The following SLC7A11 variants were observed in gnomAD, a reference collection of about 807,000 sequenced individuals.
The protein encoded by SLC7A11 is solute carrier family 7 member 11.
In SLC7A11, 35 loss-of-function variants were observed where a neutral mutation model predicts 54.5. That is an observed-to-expected ratio of 0.64 (90% CI 0.49 to 0.85). The LOEUF is 0.85. Ranked by LOEUF, SLC7A11 falls within the 40% of genes least tolerant of loss-of-function variation. The probability of loss-of-function intolerance (pLI) is 0.00; values close to 1 mark genes in which losing one functional copy is unlikely to be tolerated. For synonymous variants in SLC7A11, 230 were observed against 225.2 expected, an observed-to-expected ratio of 1.02 and a Z score of -0.19; for missense variants, 583 against 618.1, an observed-to-expected ratio of 0.94 and a Z score of 0.60.
chr4:138,229,968 A>T (rs575449871), intron 3 of SLC7A11, among the ~76,000 whole-genome samples: 1 of 152,260 alleles, frequency 6.6e-6, no homozygotes, highest in Non-Finnish European at 1.5e-5. Flanking sequence ...TGCCTCAGTC[A>T]TTCAAGGGAC....
In SLC7A11 at chr4:138,216,445, T is replaced by C. The variant is rs758137241; in HGVS notation, c.747-1816A>G. Among the ~76,000 whole-genome samples the C allele has an allele frequency of 1.2e-4, 19 of 152,258 alleles. No homozygotes were observed. The Middle Eastern group carries it at 0.02, about 164-fold the overall frequency. ...CTTTGGATCAGGATATGGGACTGAG[T>C]TCCCCAGGGCCACAAGGGGGACTGG... On this transcript the variant is annotated intron_variant, in intron 5 of 11. Coordinates refer to ENST00000280612, the MANE Select transcript of SLC7A11 (RefSeq NM_014331.4).
intron 6 of SLC7A11, among the ~76,000 whole-genome samples, chr4:138,200,962 G>A (rs1350262705): frequency 6.6e-6 from 1 of 152,108 alleles, no homozygotes; most frequent in African/African-American, 2.4e-5. Context: ...TTAGAGAACG[G>A]CCATGACCAT....
In SLC7A11 at chr4:138,167,728, GA is replaced by G. The variant is rs911105956; in HGVS notation, c.*4227del. 1.3e-5 allele frequency: 2 copies of G among 152,076 alleles called. No homozygotes were observed. The highest frequency in any genetic ancestry group is 4.8e-5 in the African/African-American group (2 of 41,422). 9.4% of individuals were successfully genotyped at this position (152,076 alleles called of 1,614,324 possible). A position where few individuals can be genotyped will look rare whatever the true frequency, so the allele number is the denominator to read the frequency against. ...TTTTAATTCCTGACTGAATGGTTAG[GA>G]AAGCAAAATGTAACTCTGTAAACTT... On this transcript the variant is annotated 3_prime_UTR_variant, in exon 12 of 12. Coordinates refer to ENST00000280612, the MANE Select transcript of SLC7A11 (RefSeq NM_014331.4).
chr4:138,214,193 A>G (rs1190516801), intron 6 of SLC7A11, among the ~76,000 whole-genome samples: 1 of 152,042 alleles, frequency 6.6e-6, no homozygotes. Flanking sequence ...GTTATGAAAA[A>G]AGATTACATG....
chr4:138,170,755 C>T lies in SLC7A11; in HGVS notation c.*1201G>A, dbSNP rs557167983. 44 of 152,130 alleles carry T rather than the reference C, an allele frequency of 2.9e-4. No homozygotes were observed. Among genetic ancestry groups the T allele is most frequent in the African/African-American group, 1.0e-3 (43 of 41,508 alleles). The allele number at this position is 152,130 out of a possible 1,614,324, so 9.4% of individuals were successfully genotyped here. A position where few individuals can be genotyped will look rare whatever the true frequency, so the allele number is the denominator to read the frequency against. ...TAAGGTGTGGAAATTACTGACAAAG[C>T]CTAGATATAGAAGTGGAAATTTTCT... On this transcript the variant is annotated 3_prime_UTR_variant, in exon 12 of 12. Coordinates refer to ENST00000280612, the MANE Select transcript of SLC7A11 (RefSeq NM_014331.4).
intron 6 of SLC7A11, among the ~76,000 whole-genome samples, chr4:138,199,384 AGT>A (rs1737219715): frequency 6.6e-6 from 1 of 152,124 alleles, no homozygotes; most frequent in South Asian, 2.1e-4. Context: ...ACAATCATAA[AGT>A]TTTACTTTGA....
chr4:138,219,940 TC>T (rs1737769606), intron 4 of SLC7A11, among the ~76,000 whole-genome samples: 1 of 25,706 alleles, frequency 3.9e-5, no homozygotes, highest in Non-Finnish European at 2.6e-4. Flanking sequence ...TGCAAGCCTT[TC>T]TTTTTTTATT....
intron 11 of SLC7A11, 29 bp from the exon 12 acceptor site, chr4:138,172,046 T>C (rs770672981): frequency 6.4e-7 from 1 of 1,567,994 alleles, no homozygotes; most frequent in South Asian, 1.2e-5. Flanking sequence ...GAATTAAAAA[T>C]GCATGGAAAT....
At chr4:138,187,268 T>C (rs568885523) in intron 6 of SLC7A11, among the ~76,000 whole-genome samples, 9 of 152,204 alleles carry the variant, frequency 5.9e-5, no homozygotes, top group African/African-American at 1.9e-4. Flanking sequence ...ACCTTCTAGG[T>C]TGGTTTCCCT....
intron 6 of SLC7A11, among the ~76,000 whole-genome samples, chr4:138,211,212 G>A (rs984753259): frequency 2.6e-5 from 4 of 151,764 alleles, no homozygotes; most frequent in Non-Finnish European, 4.4e-5. Flanking sequence ...ACACATAGAC[G>A]GGAACAATAA....
At chr4:138,189,083 G>C (rs2148418160) in intron 6 of SLC7A11, among the ~76,000 whole-genome samples, 1 of 152,216 alleles carries the variant, frequency 6.6e-6, no homozygotes, top group Non-Finnish European at 1.5e-5. Context: ...CTTACAACCA[G>C]TCTACGTCAC....
chr4:138,179,150 T>A, intron 11 of SLC7A11, 67 bp downstream of exon 11: 3 of 1,032,980 alleles, frequency 2.9e-6, no homozygotes, highest in Non-Finnish European at 4.4e-6. Context: ...GTATATTATG[T>A]ATGCACACCT....
At chr4:138,189,338 A>G (rs1240951423) in intron 6 of SLC7A11, among the ~76,000 whole-genome samples, 1 of 152,140 alleles carries the variant, frequency 6.6e-6, no homozygotes, top group Non-Finnish European at 1.5e-5. Flanking sequence ...ATTTACAACA[A>G]CCCATGGAAA....
At chr4:138,236,273 C>T (rs1738203192) in intron 2 of SLC7A11, 52 bp downstream of exon 2, 1 of 1,504,018 alleles carries the variant, frequency 6.6e-7, no homozygotes, top group African/African-American at 1.4e-5. Flanking sequence ...CAAGGTGATT[C>T]ATAAGAATGA....
At chr4:138,187,125 C>T (rs1392224940) in intron 6 of SLC7A11, among the ~76,000 whole-genome samples, 1 of 152,108 alleles carries the variant, frequency 6.6e-6, no homozygotes, top group Non-Finnish European at 1.5e-5. Flanking sequence ...TTGTGGCTCT[C>T]CCAGCATAGA....
intron 3 of SLC7A11, among the ~76,000 whole-genome samples, chr4:138,225,169 T>TATATATATATATAA (rs1553945379): frequency 7.5e-6 from 1 of 133,328 alleles, no homozygotes; most frequent in African/African-American, 2.8e-5. Context: ...TATATATATA[T>TATATATATATATAA]ATAAATAAAA....
intron 11 of SLC7A11, chr4:138,177,726 A>T (rs1736615430): frequency 6.6e-6 from 1 of 152,132 alleles, no homozygotes; most frequent in Admixed American, 6.6e-5. Flanking sequence ...AGAGCCTCTG[A>T]CAGAGAGATA....
chr4:138,183,356 A>G (rs1284407031), intron 7 of SLC7A11, 51 bp from the exon 8 acceptor site: 2 of 1,252,756 alleles, frequency 1.6e-6, no homozygotes. Flanking sequence ...AAAGTGGAAT[A>G]AAATGAAACA....
chr4:138,234,488 G>A (rs192516159), intron 2 of SLC7A11, among the ~76,000 whole-genome samples: 1 of 152,054 alleles, frequency 6.6e-6, no homozygotes, highest in East Asian at 1.9e-4. Context: ...AGAGATATAT[G>A]AACATATTTT....
Sources: gnomAD v4.1 joint callset for allele counts (sites outside exome capture counted in the v4.1 genomes callset) on GRCh38, gnomAD v4.1.1 for gene constraint, MANE v1.5 for transcripts, NCBI Gene and HGNC (gene_info 2026-07-23, HGNC 2026-07-21) for gene names.